The following TTYH3 variants were observed in gnomAD, a reference collection of about 807,000 sequenced individuals.
TTYH3 encodes the protein tweety family member 3.
TTYH3 carries 23 observed loss-of-function variants against 68.2 expected under a neutral mutation model. That is an observed-to-expected ratio of 0.34 (90% CI 0.24 to 0.48). TTYH3 has a LOEUF of 0.48. Ranked by LOEUF, TTYH3 falls within the 20% of genes least tolerant of loss-of-function variation. TTYH3 has a pLI of 0.99. For synonymous variants in TTYH3, 360 were observed against 332.8 expected, an observed-to-expected ratio of 1.08 and a Z score of -0.89; for missense variants, 768 against 727.7, an observed-to-expected ratio of 1.06 and a Z score of -0.64.
intron 1 of TTYH3, among the ~76,000 whole-genome samples, chr7:2,633,230 C>A (rs1304259017): frequency 6.6e-6 from 1 of 152,136 alleles, no homozygotes; most frequent in Non-Finnish European, 1.5e-5. Context: ...TCTCTCTGGA[C>A]GGATCATGGC....
At chr7:2,656,939 G>C (rs919029281) in intron 11 of TTYH3, among the ~76,000 whole-genome samples, 1 of 152,276 alleles carries the variant, frequency 6.6e-6, no homozygotes, top group Non-Finnish European at 1.5e-5. Context: ...GGAAAGGTTG[G>C]TGGTCCACTG....
intron 1 of TTYH3, among the ~76,000 whole-genome samples, chr7:2,637,953 C>G (rs1431636190): frequency 6.6e-6 from 1 of 152,236 alleles, no homozygotes; most frequent in Non-Finnish European, 1.5e-5. Flanking sequence ...GTGCCAGTGC[C>G]TTCGGCCTCT....
chr7:2,661,982 C>A lies in TTYH3; in HGVS notation c.*243C>A. ...GCTGCTGCCAGCCGATGCCCCAGCC[C>A]TGCACGCCACCCACTATCCCGGCAC... On this transcript the variant is annotated 3_prime_UTR_variant, in exon 14 of 14. Transcript: ENST00000258796. The A allele has an allele frequency of 1.7e-6, 1 of 598,832 alleles. No homozygotes were observed. 37.1% of individuals were successfully genotyped at this position (598,832 alleles called of 1,614,324 possible). A position where few individuals can be genotyped will look rare whatever the true frequency, so the allele number is the denominator to read the frequency against.
intron 1 of TTYH3, among the ~76,000 whole-genome samples, chr7:2,640,891 G>T (rs1380072650): frequency 2.0e-5 from 3 of 152,246 alleles, no homozygotes; most frequent in Non-Finnish European, 4.4e-5. Flanking sequence ...GGTCAGGTTG[G>T]GGGTCTCGCC....
rs1428783869 is a variant in TTYH3, at chr7:2,649,947, A to G, written c.830A>G (p.Tyr277Cys). 1.9e-6 allele frequency: 3 copies of G among 1,613,786 alleles called. No homozygotes were observed. The highest frequency in any genetic ancestry group is 1.7e-5 in the Admixed American group (1 of 59,970). ...GACTTCTGTGTGGACCCTGACGCCT[A>G]CGTGACCAAAATGGTGGAGGAGTAC... Reference protein sequence around the residue: ...SSDFCVDPDAYVTKMVEEYSV... With the variant: ...SSDFCVDPDACVTKMVEEYSV... Residue 277 changes from tyrosine to cysteine, a missense_variant, in exon 7 of 14, where the codon TAC becomes TGC. Tyr to Cys is a radical substitution (Grantham distance 194). Transcript: ENST00000258796.
chr7:2,661,066 C>G (rs4721924), intron 13 of TTYH3, among the ~76,000 whole-genome samples: 24,447 of 51,832 alleles, frequency 0.47, 2,041 homozygotes, highest in African/African-American at 0.5. Flanking sequence ...ACAGTTGGGT[C>G]CCCCACGGGA....
chr7:2,649,654 G>C lies in TTYH3; in HGVS notation c.795+15G>C. 6.3e-7 allele frequency: 1 copy of C among 1,593,466 alleles called. No individual in the cohort carries two copies. Among genetic ancestry groups the C allele is most frequent in the Non-Finnish European group, 8.5e-7 (1 of 1,174,786 alleles). On this transcript the variant is annotated intron_variant, in intron 6 of 13. Transcript: ENST00000258796. ...CTGTGTCCGTGGTGAGTGGCAGAGG[G>C]GGTGAGGTCCCCGGCTGCTGGACCT... is the stretch of plus-strand genomic sequence containing the variant.
intron 1 of TTYH3, among the ~76,000 whole-genome samples, chr7:2,635,898 G>A: frequency 6.6e-6 from 1 of 152,248 alleles, no homozygotes. Context: ...GGGAACGGCA[G>A]GTGCAAAGGC....
At chr7:2,661,432 C>T (rs1786492656) in intron 13 of TTYH3, among the ~76,000 whole-genome samples, 1 of 152,132 alleles carries the variant, frequency 6.6e-6, no homozygotes. Flanking sequence ...CTGTCCTGAG[C>T]CTGGAGAGTT....
intron 1 of TTYH3, among the ~76,000 whole-genome samples, chr7:2,643,004 A>C (rs1405649664): frequency 6.7e-6 from 1 of 150,112 alleles, no homozygotes; most frequent in African/African-American, 2.5e-5. Context: ...CGGAGGTTTC[A>C]GTGAGTCGAG....
chr7:2,650,041 G>A (rs1024714046), intron 7 of TTYH3, 53 bp downstream of exon 7: 2 of 1,599,374 alleles, frequency 1.3e-6, no homozygotes, highest in African/African-American at 2.7e-5. Context: ...GTTGGGCTGA[G>A]CCAAAAGAGT....
chr7:2,652,379 G>C, intron 8 of TTYH3, 137 bp downstream of exon 8: 2 of 785,652 alleles, frequency 2.5e-6, no homozygotes, highest in Non-Finnish European at 2.1e-6. Flanking sequence ...CTGGACAAAG[G>C]CTGTGTGGAT....
At chr7:2,635,950 G>C (rs1325622702) in intron 1 of TTYH3, among the ~76,000 whole-genome samples, 3 of 152,230 alleles carry the variant, frequency 2.0e-5, no homozygotes, top group African/African-American at 7.2e-5. Flanking sequence ...AGAGGCCTCA[G>C]CCCCACGTGC....
intron 1 of TTYH3, among the ~76,000 whole-genome samples, chr7:2,640,781 C>T (rs74807170): frequency 0.27 from 34,356 of 128,014 alleles, 4,192 homozygotes; most frequent in East Asian, 0.47. Context: ...ACGTCGTCTG[C>T]TCAAGTGCCC....
At chr7:2,635,267 G>A (rs1457801057) in intron 1 of TTYH3, among the ~76,000 whole-genome samples, 1 of 152,190 alleles carries the variant, frequency 6.6e-6, no homozygotes, top group East Asian at 1.9e-4. Flanking sequence ...CCCGGGCAGG[G>A]GCCCTTGAGG....
At chr7:2,652,374 C>CAA in intron 8 of TTYH3, 132 bp downstream of exon 8, 1 of 806,534 alleles carries the variant, frequency 1.2e-6, no homozygotes, top group South Asian at 1.5e-5. Context: ...GGGAGCTGGA[C>CAA]AAAGGCTGTG....
intron 13 of TTYH3, 33 bp downstream of exon 13, chr7:2,659,048 C>G (rs1389109093): frequency 6.2e-7 from 1 of 1,601,722 alleles, no homozygotes; most frequent in Admixed American, 1.7e-5. Context: ...GGATGGGGGG[C>G]TGCTCAGCCT....
At chr7:2,636,818 G>A (rs1462575642) in intron 1 of TTYH3, among the ~76,000 whole-genome samples, 2 of 152,120 alleles carry the variant, frequency 1.3e-5, no homozygotes, top group Non-Finnish European at 2.9e-5. Context: ...TGGGTGTCAG[G>A]CCACCCTTGG....
intron 5 of TTYH3, among the ~76,000 whole-genome samples, chr7:2,648,873 G>A (rs1249974243): frequency 6.6e-6 from 1 of 152,000 alleles, no homozygotes; most frequent in East Asian, 1.9e-4. Flanking sequence ...GTGTGCAGTG[G>A]GTTGTGGGGT....
Sources: allele counts gnomAD v4.1 joint callset (sites outside exome capture counted in the v4.1 genomes callset), GRCh38; gene constraint gnomAD v4.1.1; transcripts MANE v1.5; gene names NCBI Gene and HGNC (gene_info 2026-07-23, HGNC 2026-07-21).